RPTN: variants seen among roughly 807,000 people sequenced by gnomAD.
RPTN encodes the protein repetin.
Under a neutral mutation model 3.6 loss-of-function variants are expected in RPTN, and 4 were observed. The observed-to-expected ratio is 1.12, with a 90% CI of 0.55 to 2.55. The LOEUF (loss-of-function observed/expected upper bound fraction) is 2.55, where lower values mean the gene tolerates loss of function less well. Among genes scored for constraint, RPTN ranks in the 30% most tolerant of loss-of-function variants. The pLI, the probability that RPTN is intolerant of heterozygous loss-of-function variation, is 0.02. For synonymous variants in RPTN, 293 were observed against 319.3 expected (o/e 0.92, Z 0.88); for missense variants, 860 against 916.7 (o/e 0.94, Z 0.80).
In RPTN at chr1:152,155,900, C is replaced by G. The variant is rs1011497967; in HGVS notation, c.1199G>C (p.Ser400Thr). Residue 400 changes from serine to threonine, a missense_variant, in exon 3 of 3, where the codon AGT becomes ACT. Coordinates refer to ENST00000316073, the MANE Select transcript of RPTN (RefSeq NM_001122965.1). The part of the protein sequence containing the change: ...HYGQTDRQDQ[S>T]SHYGQTERQG... ...TCTCTCTGTCTGACCATAGTGAGAA[C>G]TTTGGTCTTGTCTGTCTGTCTGACC... 5 of 1,613,578 alleles carry G rather than the reference C, an allele frequency of 3.1e-6. No homozygotes were observed. Among genetic ancestry groups the G allele is most frequent in the Non-Finnish European group, 4.2e-6 (5 of 1,179,922 alleles).
chr1:152,155,955 G>A lies in RPTN; in HGVS notation c.1144C>T (p.Pro382Ser), dbSNP rs1380153993. Residue 382 changes from proline to serine, a missense_variant, in exon 3 of 3, where the codon CCA (proline) becomes TCA (serine). Physicochemically the swap from Pro to Ser is moderately conservative, Grantham distance 74. Coordinates refer to ENST00000316073, the MANE Select transcript of RPTN (RefSeq NM_001122965.1). The part of the protein sequence containing the change: ...RQGQSSHYGQ[P>S]DTQDQSSHYG... ...TGAGAACTCTGATCTTGTGTGTCTG[G>A]CTGACCATAGTGGGAACTCTGACCT... The A allele has an allele frequency of 6.2e-7, 1 of 1,601,932 alleles. No individual in the cohort carries two copies. The highest frequency in any genetic ancestry group is 8.5e-7 in the Non-Finnish European group (1 of 1,175,072).
chr1:152,155,281 T>A lies in RPTN; in HGVS notation c.1818A>T (p.Lys606Asn). The change falls in exon 3 of 3, where the codon AAA becomes AAT. Residue 606 changes from lysine (K) to asparagine (N), a missense_variant. Coordinates refer to ENST00000316073, the MANE Select transcript of RPTN (RefSeq NM_001122965.1). The part of the protein sequence containing the change: ...KYFQGTEGTR[K>N]ASYVEQSGRS... ...TTCCTGATTGTTCAACATAAGAGGC[T>A]TTTCTTGTTCCTTCAGTCCCTTGGA... The A allele has an allele frequency of 1.2e-6, 2 of 1,614,236 alleles. No homozygotes were observed. The highest frequency in any genetic ancestry group is 1.6e-4 in the Middle Eastern group (1 of 6,062).
chr1:152,156,575 C>G lies in RPTN; in HGVS notation c.524G>C (p.Arg175Thr), dbSNP rs752778800. The G allele has an allele frequency of 1.2e-6, 2 of 1,600,788 alleles. No individual in the cohort carries two copies. Among genetic ancestry groups the G allele is most frequent in the South Asian group, 1.1e-5 (1 of 89,342 alleles). Reference protein sequence around the residue: ...DRDSHHSQPERQDRDSHHNQS... With the variant: ...DRDSHHSQPETQDRDSHHNQS... ...ATTGTGGTGAGAATCTCTGTCTTGT[C>G]TCTCAGGCTGACTGTGGTGGGAATC... Residue 175 changes from arginine (R) to threonine (T), a missense_variant, in exon 3 of 3, where the codon AGA becomes ACA. Transcript: ENST00000316073.
rs1659154239 is a variant in RPTN at position 152,154,685 on chromosome 1, T to C, written c.*59A>G. The C allele has an allele frequency of 6.3e-7, 1 of 1,579,498 alleles. No homozygotes were observed. Among genetic ancestry groups the C allele is most frequent in the Non-Finnish European group, 8.6e-7 (1 of 1,161,166 alleles). Reference sequence around the variant, plus strand: ...TCCTTGATACCTCTCTTTCTCCTCATAGTTTTGTCTATTATGTTGTTGCTG... The same window carrying C: ...TCCTTGATACCTCTCTTTCTCCTCACAGTTTTGTCTATTATGTTGTTGCTG... On this transcript the variant is annotated 3_prime_UTR_variant, in exon 3 of 3. Coordinates refer to ENST00000316073, the MANE Select transcript of RPTN (RefSeq NM_001122965.1).
intron 1 of RPTN, among the ~76,000 whole-genome samples, chr1:152,158,123 A>G (rs937162306): frequency 6.6e-6 from 1 of 152,146 alleles, no homozygotes; most frequent in African/African-American, 2.4e-5. Context: ...CTTGCTATAA[A>G]AAGAGACAAT....
At position 152,154,924 on chromosome 1, in the gene RPTN, T is replaced by C. The variant is rs746494560; in HGVS notation, c.2175A>G (p.Pro725=). 6.2e-7 allele frequency: 1 copy of C among 1,614,152 alleles called. No individual in the cohort carries two copies. Among genetic ancestry groups the C allele is most frequent in the Non-Finnish European group, 8.5e-7 (1 of 1,180,028 alleles). Residue 725 remains proline (P), a synonymous_variant, in exon 3 of 3, where the codon CCA becomes CCG. Transcript: ENST00000316073. The part of the protein sequence containing the change: ...DRHSHESQEG[P]CGTQDRRTHK... ...GGGTTCGCCTGTCCTGTGTCCCACA[T>C]GGACCTTCCTGACTCTCATGGCTGT...
chr1:152,156,325 G>A lies in RPTN; in HGVS notation c.774C>T (p.His258=), dbSNP rs760194975. The part of the protein sequence containing the change: ...QQSETLGQAS[H]FNQTNQQKSG... ...ATTTCTGTTGATTTGTCTGGTTAAA[G>A]TGAGAGGCTTGTCCAAGTGTTTCAG... Residue 258 remains histidine, a synonymous_variant, in exon 3 of 3, where the codon CAC becomes CAT. Transcript: ENST00000316073. 1.2e-6 allele frequency: 2 copies of A among 1,614,298 alleles called. No individual in the cohort carries two copies. Among genetic ancestry groups the A allele is most frequent in the Non-Finnish European group, 1.7e-6 (2 of 1,180,050 alleles).
At position 152,156,542 on chromosome 1, in the gene RPTN, T is replaced by C; in HGVS notation, c.557A>G (p.Glu186Gly). ...AAAGCTGAAATCCTTGTCTTGTCTC[T>C]CAGACTGATTGTGGTGAGAATCTCT... ...QDRDSHHNQSERQDKDFSFDQ... is the reference protein window; with the variant it reads ...QDRDSHHNQSGRQDKDFSFDQ... The change falls in exon 3 of 3, where the codon GAG becomes GGG. Residue 186 changes from glutamate (E) to glycine (G), a missense_variant. By Grantham distance (98) the Glu-to-Gly change is moderately conservative. Transcript: ENST00000316073. 6.2e-7 allele frequency: 1 copy of C among 1,614,192 alleles called. No individual in the cohort carries two copies. The highest frequency in any genetic ancestry group is 8.5e-7 in the Non-Finnish European group (1 of 1,180,014).
chr1:152,156,663 G>A lies in RPTN; in HGVS notation c.436C>T (p.His146Tyr). ...CTGTCTTGTCTCTCAGGCTGACCAT[G>A]GTGGGAATCTCCGTCTTGTCTCTCA... ...QPERQDGDSH[H>Y]GQPERQDRDS... The change falls in exon 3 of 3, where the codon CAT becomes TAT. Residue 146 changes from histidine to tyrosine, a missense_variant. Transcript: ENST00000316073. 6.2e-7 allele frequency: 1 copy of A among 1,601,636 alleles called. No individual in the cohort carries two copies. Among genetic ancestry groups the A allele is most frequent in the Non-Finnish European group, 8.5e-7 (1 of 1,174,808 alleles).
Position 152,153,797 on chromosome 1 carries a change from G to A in RPTN, c.*947C>T, listed in dbSNP as rs1367799052. ...TATTGAATTGGAATGGGTCCATTCA[G>A]CTCTAGTGATAGGCACTAATGGACA... On this transcript the variant is annotated 3_prime_UTR_variant, in exon 3 of 3. Transcript: ENST00000316073. 1 of 152,406 alleles carries A rather than the reference G, an allele frequency of 6.6e-6. No homozygotes were observed. The highest frequency in any genetic ancestry group is 2.4e-5 in the African/African-American group (1 of 41,442). 9.4% of individuals were successfully genotyped at this position (152,406 alleles called of 1,614,324 possible).
intron 1 of RPTN, 106 bp from the exon 2 acceptor site, chr1:152,158,015 G>A: frequency 2.3e-6 from 2 of 883,136 alleles, no homozygotes; most frequent in Admixed American, 2.2e-5. Flanking sequence ...TTTAAGAAGT[G>A]AGAGAGCCCC....
chr1:152,156,141 T>G lies in RPTN; in HGVS notation c.958A>C (p.Ser320Arg). Reference sequence around the variant, plus strand: ...CTCTGGCCTTGTCTGTCCGTCTGACTGTAGTGGGAACTCTGGCCTTGTCTG... The same window carrying G: ...CTCTGGCCTTGTCTGTCCGTCTGACGGTAGTGGGAACTCTGGCCTTGTCTG... ...TDRQGQSSHY[S>R]QTDRQGQSSH... is the part of the protein sequence containing the mutation. The change falls in exon 3 of 3, where the codon AGT becomes CGT. Residue 320 changes from serine to arginine, a missense_variant. Ser to Arg is a moderately radical substitution (Grantham distance 110). Transcript: ENST00000316073. 1 of 1,610,266 alleles carries G rather than the reference T, an allele frequency of 6.2e-7. No homozygotes were observed. Among genetic ancestry groups the G allele is most frequent in the Non-Finnish European group, 8.5e-7 (1 of 1,178,824 alleles).
At position 152,156,871 on chromosome 1, in the gene RPTN, C is replaced by A. The variant is rs201106227; in HGVS notation, c.228G>T (p.Leu76Phe). The A allele has an allele frequency of 6.2e-7, 1 of 1,614,200 alleles. No individual in the cohort carries two copies. Among genetic ancestry groups the A allele is most frequent in the Non-Finnish European group, 8.5e-7 (1 of 1,180,016 alleles). ...AGGCTTGGACCAACTGGAACACCAACAAGAGGTACTCATGAAAATCAATAT... is the reference window on the plus strand; with the variant it reads ...AGGCTTGGACCAACTGGAACACCAAAAAGAGGTACTCATGAAAATCAATAT... ...DGHIDFHEYL[L>F]LVFQLVQACY... The change falls in exon 3 of 3, where the codon TTG (leucine) becomes TTT (phenylalanine). Residue 76 changes from leucine to phenylalanine, a missense_variant. Leu to Phe is a conservative substitution (Grantham distance 22). Coordinates refer to ENST00000316073, the MANE Select transcript of RPTN (RefSeq NM_001122965.1).
chr1:152,155,660 T>C lies in RPTN; in HGVS notation c.1439A>G (p.Lys480Arg), dbSNP rs199750087. The C allele has an allele frequency of 4.5e-5, 67 of 1,475,282 alleles. 1 individual carries two copies. In the African/African-American group the frequency reaches 5.9e-4, roughly 13 times the overall value. The allele number at this position is 1,475,282 out of a possible 1,614,324, so 91.4% of individuals were successfully genotyped here. Reference sequence around the variant, plus strand: ...ACCATAGTGGGAACTCTGGCCTTGTTTGTCTGGCTGACTGTAGTGGGAACT... The same window carrying C: ...ACCATAGTGGGAACTCTGGCCTTGTCTGTCTGGCTGACTGTAGTGGGAACT... The part of the protein sequence containing the change: ...GQSSHYSQPD[K>R]QGQSSHYGKI... Residue 480 changes from lysine to arginine, a missense_variant, in exon 3 of 3, where the codon AAA (lysine) becomes AGA (arginine). Physicochemically the swap from Lys to Arg is conservative, Grantham distance 26. Transcript: ENST00000316073.
rs1659135898 is a variant in RPTN, at chr1:152,153,681, G to A, written c.*1063C>T. On this transcript the variant is annotated 3_prime_UTR_variant, in exon 3 of 3. Transcript: ENST00000316073. The stretch of plus-strand genomic sequence containing the variant: ...CTTGAGAAGAGTTTTCAGGTCTTAG[G>A]AGCTATGAATCAATAGTCTTGATCC... The A allele has an allele frequency of 6.6e-6, 1 of 152,130 alleles. No individual in the cohort carries two copies. Among genetic ancestry groups the A allele is most frequent in the Non-Finnish European group, 1.5e-5 (1 of 68,000 alleles). 9.4% of individuals were successfully genotyped at this position (152,130 alleles called of 1,614,324 possible).
At position 152,154,500 on chromosome 1, in the gene RPTN, G is replaced by A. The variant is rs1197221932; in HGVS notation, c.*244C>T. 23 of 598,616 alleles carry A rather than the reference G, an allele frequency of 3.8e-5. No homozygotes were observed. Among genetic ancestry groups the A allele is most frequent in the South Asian group, 3.2e-4 (15 of 46,386 alleles). The allele number at this position is 598,616 out of a possible 1,614,324, so 37.1% of individuals were successfully genotyped here. ...GTAGCTCCCTTGGCAGGGTGACCAC[G>A]CTGTTCTCTGGTTTGGGGCCTCCCA... On this transcript the variant is annotated 3_prime_UTR_variant, in exon 3 of 3. Coordinates refer to ENST00000316073, the MANE Select transcript of RPTN (RefSeq NM_001122965.1).
chr1:152,155,972 C>A lies in RPTN; in HGVS notation c.1127G>T (p.Ser376Ile), dbSNP rs751659467. The change falls in exon 3 of 3, where the codon AGT becomes ATT. Residue 376 changes from serine (S) to isoleucine (I), a missense_variant. Coordinates refer to ENST00000316073, the MANE Select transcript of RPTN (RefSeq NM_001122965.1). Reference sequence around the variant, plus strand: ...TGTGTCTGGCTGACCATAGTGGGAACTCTGACCTTGTCTGTTTGGTTGACT... The same window carrying A: ...TGTGTCTGGCTGACCATAGTGGGAAATCTGACCTTGTCTGTTTGGTTGACT... Reference protein sequence around the residue: ...HYSQPNRQGQSSHYGQPDTQD... With the variant: ...HYSQPNRQGQISHYGQPDTQD... 9 of 1,613,500 alleles carry A rather than the reference C, an allele frequency of 5.6e-6. No homozygotes were observed. The highest frequency in any genetic ancestry group is 7.6e-6 in the Non-Finnish European group (9 of 1,180,026).
rs754893696 is a variant in RPTN, at chr1:152,155,137, A to G, written c.1962T>C (p.Asp654=). Residue 654 remains aspartate, a synonymous_variant, in exon 3 of 3, where the codon GAT becomes GAC. Coordinates refer to ENST00000316073, the MANE Select transcript of RPTN (RefSeq NM_001122965.1). The part of the protein sequence containing the change: ...NGHQVWEPEE[D]SQHHQHKLLA... Reference sequence around the variant, plus strand: ...AGAGTTTGTGTTGGTGATGTTGGCTATCCTCTTCAGGCTCCCATACCTGGT... The same window carrying G: ...AGAGTTTGTGTTGGTGATGTTGGCTGTCCTCTTCAGGCTCCCATACCTGGT... 26 of 1,614,030 alleles carry G rather than the reference A, an allele frequency of 1.6e-5. No individual in the cohort carries two copies. The highest frequency in any genetic ancestry group is 8.5e-6 in the Non-Finnish European group (10 of 1,180,040).
Position 152,155,351 on chromosome 1 carries a change from T to C in RPTN, c.1748A>G (p.Tyr583Cys), listed in dbSNP as rs1052865530. 1 of 1,614,180 alleles carries C rather than the reference T, an allele frequency of 6.2e-7. No homozygotes were observed. The change falls in exon 3 of 3, where the codon TAT becomes TGT. Residue 583 changes from tyrosine to cysteine, a missense_variant. Physicochemically the swap from Tyr to Cys is radical, Grantham distance 194. Transcript: ENST00000316073. The stretch of plus-strand genomic sequence containing the variant: ...TATTTCCCCAGTCTGTGATTGAATA[T>C]AGTGGGAACTCTGGCCTTGTCTGTC... ...QTDRQGQSSH[Y>C]IQSQTGEIQG...
Sources: gnomAD v4.1 joint callset for allele counts (sites outside exome capture counted in the v4.1 genomes callset) on GRCh38, gnomAD v4.1.1 for gene constraint, MANE v1.5 for transcripts, NCBI Gene and HGNC (gene_info 2026-07-23, HGNC 2026-07-21) for gene names.